The following KIF2B variants were observed in gnomAD, a reference collection of about 807,000 sequenced individuals.
The protein encoded by KIF2B is kinesin family member 2B, also known as kinesin-like protein KIF2B.
In KIF2B, 5 loss-of-function variants were observed where a neutral mutation model predicts 6.8. That is an observed-to-expected ratio of 0.74 (90% CI 0.39 to 1.55). The LOEUF is 1.55. Among genes scored for constraint, KIF2B ranks in the 40% most tolerant of loss-of-function variants. The pLI is 0.03. For synonymous variants in KIF2B, 370 were observed against 330.7 expected, an observed-to-expected ratio of 1.12 and a Z score of -1.29; for missense variants, 908 against 831.3, an observed-to-expected ratio of 1.09 and a Z score of -1.13.
In KIF2B at chr17:53,824,926, C is replaced by T. The variant is rs142631946; in HGVS notation, c.1893C>T (p.His631=). ...TCCAGGAGAGAGCTGGTGGAGTACA[C>T]CATGATATTGATTTTTGCATTGCCC... ...ENIQERAGGV[H]HDIDFCIARS... The change falls in exon 1 of 1, where the codon CAC becomes CAT. Residue 631 remains histidine (H), a synonymous_variant. Coordinates refer to ENST00000268919, the MANE Select transcript of KIF2B (RefSeq NM_032559.5). 4.6e-4 allele frequency: 741 copies of T among 1,613,948 alleles called. No individual in the cohort carries two copies. Among genetic ancestry groups the T allele is most frequent in the Non-Finnish European group, 5.8e-4 (690 of 1,179,980 alleles).
Position 53,824,853 on chromosome 17 carries a change from A to T in KIF2B, c.1820A>T (p.Lys607Met). The T allele has an allele frequency of 6.2e-7, 1 of 1,614,050 alleles. No individual in the cohort carries two copies. The highest frequency in any genetic ancestry group is 8.5e-7 in the Non-Finnish European group (1 of 1,179,946). ...EVETLPTLLG[K>M]DTTISGKGSS... ...GAAACATTACCCACTCTGTTAGGGA[A>T]GGATACCACAATTTCAGGGAAGGGA... Residue 607 changes from lysine (K) to methionine (M), a missense_variant, in exon 1 of 1, where the codon AAG becomes ATG. Physicochemically the swap from Lys to Met is moderately conservative, Grantham distance 95. Transcript: ENST00000268919.
chr17:53,824,511 C>T lies in KIF2B; in HGVS notation c.1478C>T (p.Pro493Leu), dbSNP rs1446522015. Residue 493 changes from proline (P) to leucine (L), a missense_variant, in exon 1 of 1, where the codon CCA becomes CTA. Pro to Leu is a moderately conservative substitution (Grantham distance 98, BLOSUM62 -3). Transcript: ENST00000268919. Reference sequence around the variant, plus strand: ...TTGGGTCAGAACAAGCCTCACACCCCATTCAGAGCCAGCAAACTCACACTG... The same window carrying T: ...TTGGGTCAGAACAAGCCTCACACCCTATTCAGAGCCAGCAAACTCACACTG... Reference protein sequence around the residue: ...LALGQNKPHTPFRASKLTLVL... With the variant: ...LALGQNKPHTLFRASKLTLVL... 1 of 1,614,114 alleles carries T rather than the reference C, an allele frequency of 6.2e-7. No homozygotes were observed. The highest frequency in any genetic ancestry group is 1.7e-5 in the Admixed American group (1 of 60,026).
Position 53,824,195 on chromosome 17 carries a change from G to C in KIF2B, c.1162G>C (p.Gly388Arg), listed in dbSNP as rs545273087. The change falls in exon 1 of 1, where the codon GGG becomes CGG. Residue 388 changes from glycine to arginine, a missense_variant. Gly to Arg is a moderately radical substitution (Grantham distance 125). Transcript: ENST00000268919. Reference protein sequence around the residue: ...EDGNQQIQVVGLQEKEVCCVE... With the variant: ...EDGNQQIQVVRLQEKEVCCVE... ...TGGCAATCAGCAAATCCAAGTGGTCGGGCTGCAGGAGAAAGAGGTGTGTTG... is the reference window on the plus strand; with the variant it reads ...TGGCAATCAGCAAATCCAAGTGGTCCGGCTGCAGGAGAAAGAGGTGTGTTG... The C allele has an allele frequency of 1.9e-6, 3 of 1,614,028 alleles. No homozygotes were observed. The highest frequency in any genetic ancestry group is 2.5e-6 in the Non-Finnish European group (3 of 1,180,034).
rs144811019 is a variant in KIF2B, at chr17:53,824,697, A to G, written c.1664A>G (p.Tyr555Cys). Residue 555 changes from tyrosine to cysteine, a missense_variant, in exon 1 of 1, where the codon TAT (tyrosine) becomes TGT (cysteine). By Grantham distance (194) the Tyr-to-Cys change is radical. Transcript: ENST00000268919. ...VDVRPYHRGH[Y>C]PIGHEAPRML... Reference sequence around the variant, plus strand: ...GTAAGGCCCTACCATCGTGGCCACTATCCGATTGGACATGAGGCACCAAGG... The same window carrying G: ...GTAAGGCCCTACCATCGTGGCCACTGTCCGATTGGACATGAGGCACCAAGG... 1.9e-6 allele frequency: 3 copies of G among 1,614,178 alleles called. No individual in the cohort carries two copies. In the African/African-American group the frequency reaches 4.0e-5, roughly 22 times the overall value.
At position 53,823,619 on chromosome 17, in the gene KIF2B, A is replaced by C; in HGVS notation, c.586A>C (p.Arg196=). The change falls in exon 1 of 1, where the codon AGG becomes CGG. Residue 196 remains arginine, a synonymous_variant. Transcript: ENST00000268919. ...CATGCACATGATCGAAGAGTATCGC[A>C]GGCACCTGGACAGCAGCAAGATCTC... ...EIMHMIEEYR[R]HLDSSKISVL... 6.2e-7 allele frequency: 1 copy of C among 1,613,422 alleles called. No individual in the cohort carries two copies.
Position 53,823,777 on chromosome 17 carries a change from G to T in KIF2B, c.744G>T (p.Glu248Asp), listed in dbSNP as rs1906476346. 6.2e-7 allele frequency: 1 copy of T among 1,614,052 alleles called. No homozygotes were observed. Among genetic ancestry groups the T allele is most frequent in the African/African-American group, 1.3e-5 (1 of 74,922 alleles). The stretch of plus-strand genomic sequence containing the variant: ...CGGACAATGTGGTTATGGTGCATGA[G>T]TCCAAGCAAAAGGTGGACCTCACTC... ...VPSDNVVMVH[E>D]SKQKVDLTRY... The change falls in exon 1 of 1, where the codon GAG becomes GAT. Residue 248 changes from glutamate to aspartate, a missense_variant. Physicochemically the swap from Glu to Asp is conservative, Grantham distance 45. Coordinates refer to ENST00000268919, the MANE Select transcript of KIF2B (RefSeq NM_032559.5).
rs114876562 is a variant in KIF2B, at chr17:53,824,118, G to A, written c.1085G>A (p.Gly362Asp). 3,951 of 1,614,194 alleles carry A rather than the reference G, an allele frequency of 2.4e-3. 88 individuals carry two copies. In the African/African-American group the frequency reaches 0.047, roughly 19 times the overall value. ...VYGTFFEIYG[G>D]KVYDLLNWKK... is the part of the protein sequence containing the mutation. ...GGGACATTTTTTGAGATTTATGGGG[G>A]CAAGGTGTATGATTTGTTGAACTGG... Residue 362 changes from glycine to aspartate, a missense_variant, in exon 1 of 1, where the codon GGC becomes GAC. Gly to Asp is a moderately conservative substitution (Grantham distance 94). Transcript: ENST00000268919.
In KIF2B at chr17:53,823,844, G is replaced by C. The variant is rs756074198; in HGVS notation, c.811G>C (p.Asp271His). ...GACCTTCTGCTTCGACCATGCCTTC[G>C]ATGACAAAGCCTCCAACGAGTTGGT... ...NQTFCFDHAFDDKASNELVYQ... is the reference protein window; with the variant it reads ...NQTFCFDHAFHDKASNELVYQ... Residue 271 changes from aspartate to histidine, a missense_variant, in exon 1 of 1, where the codon GAT (aspartate) becomes CAT (histidine). Physicochemically the swap from Asp to His is moderately conservative, Grantham distance 81. Coordinates refer to ENST00000268919, the MANE Select transcript of KIF2B (RefSeq NM_032559.5). The C allele has an allele frequency of 6.2e-7, 1 of 1,614,210 alleles. No individual in the cohort carries two copies. Among genetic ancestry groups the C allele is most frequent in the Non-Finnish European group, 8.5e-7 (1 of 1,180,036 alleles).
Position 53,824,590 on chromosome 17 carries a change from C to T in KIF2B, c.1557C>T (p.Thr519=), listed in dbSNP as rs1906513916. ...ACTCCTCCACTTGCATGATTGCTACCATCTCTCCGGGGATGACCTCTTGTG... is the reference window on the plus strand; with the variant it reads ...ACTCCTCCACTTGCATGATTGCTACTATCTCTCCGGGGATGACCTCTTGTG... ...GQNSSTCMIA[T]ISPGMTSCEN... The change falls in exon 1 of 1, where the codon ACC becomes ACT. Residue 519 remains threonine (T), a synonymous_variant. Transcript: ENST00000268919. 5.0e-6 allele frequency: 8 copies of T among 1,614,106 alleles called. No homozygotes were observed. The highest frequency in any genetic ancestry group is 5.9e-6 in the Non-Finnish European group (7 of 1,180,010).
rs1473285854 is a variant in KIF2B at position 53,823,013 on chromosome 17, C to T, written c.-21C>T. On this transcript the variant is annotated 5_prime_UTR_variant, in exon 1 of 1. Transcript: ENST00000268919. ...AACCCCAAGGGCCCTGGAGCGCTCC[C>T]TGATACCTCCATCACTCACCATGGC... 4 of 1,603,814 alleles carry T rather than the reference C, an allele frequency of 2.5e-6. No individual in the cohort carries two copies. Among genetic ancestry groups the T allele is most frequent in the South Asian group, 2.2e-5 (2 of 89,664 alleles).
In KIF2B at chr17:53,823,627, G is replaced by C; in HGVS notation, c.594G>C (p.Leu198=). 1 of 1,613,550 alleles carries C rather than the reference G, an allele frequency of 6.2e-7. No homozygotes were observed. The highest frequency in any genetic ancestry group is 8.5e-7 in the Non-Finnish European group (1 of 1,180,034). Residue 198 remains leucine, a synonymous_variant, in exon 1 of 1, where the codon CTG becomes CTC. Coordinates refer to ENST00000268919, the MANE Select transcript of KIF2B (RefSeq NM_032559.5). ...MHMIEEYRRH[L]DSSKISVLEP... is the part of the protein sequence containing the mutation. ...TGATCGAAGAGTATCGCAGGCACCT[G>C]GACAGCAGCAAGATCTCAGTCCTGG... is the stretch of plus-strand genomic sequence containing the variant.
Position 53,824,794 on chromosome 17 carries a change from A to C in KIF2B, c.1761A>C (p.Val587=), listed in dbSNP as rs984549073. The C allele has an allele frequency of 6.2e-7, 1 of 1,613,964 alleles. No individual in the cohort carries two copies. The highest frequency in any genetic ancestry group is 8.5e-7 in the Non-Finnish European group (1 of 1,179,976). The part of the protein sequence containing the change: ...QRDEFIKIPY[V]QSEEQKEIEE... Reference sequence around the variant, plus strand: ...ATGAATTTATTAAAATACCTTATGTACAGAGTGAGGAGCAGAAAGAGATTG... The same window carrying C: ...ATGAATTTATTAAAATACCTTATGTCCAGAGTGAGGAGCAGAAAGAGATTG... Residue 587 remains valine, a synonymous_variant, in exon 1 of 1, where the codon GTA becomes GTC. Coordinates refer to ENST00000268919, the MANE Select transcript of KIF2B (RefSeq NM_032559.5).
chr17:53,823,994 GC>G lies in KIF2B; in HGVS notation c.964del (p.Gln322LysfsTer47). Reference protein sequence around the residue: ...YTMGGDFSGTAQDCSKGIYAL... With the variant: ...YTMGGDFSGTXQDCSKGIYAL... ...CATGGGTGGAGACTTTTCAGGAACG[GC>G]CCAAGATTGTTCTAAGGGCATTTAT... On this transcript the variant is annotated frameshift_variant, in exon 1 of 1. Transcript: ENST00000268919. LOFTEE classifies it low-confidence loss of function (END_TRUNC). The G allele has an allele frequency of 6.2e-7, 1 of 1,614,222 alleles. No homozygotes were observed. Among genetic ancestry groups the G allele is most frequent in the Non-Finnish European group, 8.5e-7 (1 of 1,180,050 alleles).
In KIF2B at chr17:53,823,319, T is replaced by TC. The variant is rs770305310; in HGVS notation, c.291dup (p.Ala99GlyfsTer75). On this transcript the variant is annotated frameshift_variant, in exon 1 of 1. Transcript: ENST00000268919. LOFTEE classifies it low-confidence loss of function (END_TRUNC). ...ACACCCCATGCCGCCCCCGCCCTTA[T>TC]CCCCCTTGGCTCTGGCGCCCTCTTC... The TC allele has an allele frequency of 1.9e-6, 3 of 1,613,998 alleles. No individual in the cohort carries two copies. In the South Asian group the frequency reaches 3.3e-5, roughly 18 times the overall value.
rs1906531628 is a variant in KIF2B, at chr17:53,825,045, A to G, written c.2012A>G (p.Lys671Arg). The part of the protein sequence containing the change: ...LLLADLHVKS[K>R]VE ...CTAGCTGACCTCCACGTGAAGAGCA[A>G]GGTAGAGTGAAGCCAATGGCGAGAG... The change falls in exon 1 of 1, where the codon AAG (lysine) becomes AGG (arginine). Residue 671 changes from lysine to arginine, a missense_variant. Coordinates refer to ENST00000268919, the MANE Select transcript of KIF2B (RefSeq NM_032559.5). 1 of 1,605,126 alleles carries G rather than the reference A, an allele frequency of 6.2e-7. No individual in the cohort carries two copies.
At position 53,823,729 on chromosome 17, in the gene KIF2B, C is replaced by T. The variant is rs559621632; in HGVS notation, c.696C>T (p.Asp232=). The change falls in exon 1 of 1, where the codon GAC becomes GAT. Residue 232 remains aspartate, a synonymous_variant. Coordinates refer to ENST00000268919, the MANE Select transcript of KIF2B (RefSeq NM_032559.5). ...PLNQRETTLK[D]LDIITVPSDN... ...ACCAGCGAGAGACAACCTTAAAGGA[C>T]CTGGATATCATCACCGTCCCCTCGG... The T allele has an allele frequency of 2.5e-6, 4 of 1,614,218 alleles. No individual in the cohort carries two copies. The highest frequency in any genetic ancestry group is 1.1e-5 in the South Asian group (1 of 91,084).
Position 53,823,535 on chromosome 17 carries a change from C to T in KIF2B, c.502C>T (p.Gln168Ter), listed in dbSNP as rs186886643. Reference protein sequence around the residue: ...EQREKRRRLQQEIRARRALDV... With the variant: ...EQREKRRRLQ ...GCGGGAAAAGCGCAGGCGGCTGCAG[C>T]AGGAGATCCGAGCTAGACGCGCCCT... Residue 168 changes from glutamine (Q) to a stop codon, truncating the protein, a stop_gained, in exon 1 of 1, where the codon CAG becomes TAG. Coordinates refer to ENST00000268919, the MANE Select transcript of KIF2B (RefSeq NM_032559.5). LOFTEE classifies it high-confidence loss of function. 6.2e-7 allele frequency: 1 copy of T among 1,613,836 alleles called. No individual in the cohort carries two copies. The highest frequency in any genetic ancestry group is 1.1e-5 in the South Asian group (1 of 91,088).
At position 53,824,945 on chromosome 17, in the gene KIF2B, A is replaced by C. The variant is rs371685183; in HGVS notation, c.1912A>C (p.Ile638Leu). Residue 638 changes from isoleucine to leucine, a missense_variant, in exon 1 of 1, where the codon ATT (isoleucine) becomes CTT (leucine). By Grantham distance (5) the Ile-to-Leu change is conservative. Coordinates refer to ENST00000268919, the MANE Select transcript of KIF2B (RefSeq NM_032559.5). ...GGVHHDIDFCIARSLSILEQK... is the reference protein window; with the variant it reads ...GGVHHDIDFCLARSLSILEQK... ...AGTACACCATGATATTGATTTTTGC[A>C]TTGCCCGGTCTTTGTCCATTTTGGA... 3 of 1,614,114 alleles carry C rather than the reference A, an allele frequency of 1.9e-6. No homozygotes were observed. The highest frequency in any genetic ancestry group is 2.5e-6 in the Non-Finnish European group (3 of 1,180,024).
chr17:53,825,080 G>A lies in KIF2B; in HGVS notation c.*25G>A, dbSNP rs377442323. On this transcript the variant is annotated 3_prime_UTR_variant, in exon 1 of 1. Transcript: ENST00000268919. Reference sequence around the variant, plus strand: ...AAGCCAATGGCGAGAGATCAGGTCCGAAATGCTGCATTGCTGCAGTTTCCA... The same window carrying A: ...AAGCCAATGGCGAGAGATCAGGTCCAAAATGCTGCATTGCTGCAGTTTCCA... 20 of 1,532,120 alleles carry A rather than the reference G, an allele frequency of 1.3e-5. No homozygotes were observed. Among genetic ancestry groups the A allele is most frequent in the African/African-American group, 1.2e-4 (9 of 72,602 alleles). The allele number at this position is 1,532,120 out of a possible 1,614,324, so 94.9% of individuals were successfully genotyped here.
Sources: gnomAD v4.1 joint callset for allele counts on GRCh38, gnomAD v4.1.1 for gene constraint, MANE v1.5 for transcripts, NCBI Gene and HGNC (gene_info 2026-07-23, HGNC 2026-07-21) for gene names.